Variants in KIAA1217 observed in about 807,000 individuals in gnomAD.
The protein encoded by KIAA1217 is KIAA1217, also known as sickle tail protein homolog.
KIAA1217 carries 88 observed loss-of-function variants against 163.9 expected under a neutral mutation model. That is an observed-to-expected ratio of 0.54 (90% CI 0.45 to 0.64). The LOEUF is 0.64. Among genes scored for constraint, KIAA1217 ranks in the 30% least tolerant of loss-of-function variants. The pLI is 0.00. For synonymous variants in KIAA1217, 903 were observed against 923.1 expected (o/e 0.98, Z 0.39); for missense variants, 2,372 against 2,475.0 (o/e 0.96, Z 0.88).
intron 3 of KIAA1217, among the ~76,000 whole-genome samples, chr10:24,415,357 C>T (rs2058155537): frequency 1.3e-5 from 2 of 151,900 alleles, no homozygotes; most frequent in Admixed American, 6.6e-5. Flanking sequence ...TCAGGTAATC[C>T]ACCCACCTTG....
At chr10:24,395,778 C>G (rs2055649765) in intron 3 of KIAA1217, among the ~76,000 whole-genome samples, 1 of 152,096 alleles carries the variant, frequency 6.6e-6, no homozygotes, top group African/African-American at 2.4e-5. Context: ...TCAAGCAAGC[C>G]TCCCACCTCA....
chr10:24,392,260 A>C (rs887883070), intron 3 of KIAA1217, among the ~76,000 whole-genome samples: 5 of 152,204 alleles, frequency 3.3e-5, no homozygotes, highest in African/African-American at 1.2e-4. Flanking sequence ...AAAAAGTTTT[A>C]AGGCATTATC....
intron 5 of KIAA1217, among the ~76,000 whole-genome samples, chr10:24,471,840 T>C (rs544853967): frequency 7.4e-5 from 11 of 149,050 alleles, no homozygotes; most frequent in Non-Finnish European, 1.6e-4. Context: ...TGAGCTGAGA[T>C]TGCGCCACTG....
intron 2 of KIAA1217, among the ~76,000 whole-genome samples, chr10:24,117,344 A>C (rs2063100414): frequency 6.6e-6 from 1 of 152,088 alleles, no homozygotes; most frequent in South Asian, 2.1e-4. Flanking sequence ...AGTGCTTTTA[A>C]AGGTGAGTTT....
intron 2 of KIAA1217, among the ~76,000 whole-genome samples, chr10:24,162,703 G>A (rs1006228551): frequency 5.3e-5 from 8 of 152,218 alleles, no homozygotes; most frequent in African/African-American, 1.9e-4. Flanking sequence ...TAGGAATCTG[G>A]GAGCAGCCTA....
chr10:24,192,470 C>A (rs189480660), intron 2 of KIAA1217, among the ~76,000 whole-genome samples: 199 of 152,248 alleles, frequency 1.3e-3, no homozygotes, highest in African/African-American at 4.6e-3. Flanking sequence ...ATGCTCTGGA[C>A]CCCATCAAAG....
chr10:24,091,553 T>C (rs1307395708), intron 2 of KIAA1217, among the ~76,000 whole-genome samples: 3 of 151,820 alleles, frequency 2.0e-5, no homozygotes, highest in Non-Finnish European at 4.4e-5. Flanking sequence ...GTAAGGGAAC[T>C]TTCATGAGCA....
At chr10:24,075,119 TACACACACACACAC>T (rs71397929) in intron 2 of KIAA1217, among the ~76,000 whole-genome samples, 57 of 131,562 alleles carry the variant, frequency 4.3e-4, no homozygotes, top group Admixed American at 1.7e-3. Context: ...TCCCCCTAAA[TACACACACACACAC>T]ACACACACAC....
intron 1 of KIAA1217, among the ~76,000 whole-genome samples, chr10:23,853,656 A>G (rs959143530): frequency 6.6e-6 from 1 of 151,916 alleles, no homozygotes; most frequent in Non-Finnish European, 1.5e-5. Flanking sequence ...GACTCTTTTT[A>G]GTTGGTAAGC....
chr10:24,278,854 C>CTTTTTTTTTTTTTTTTTTTTTTT (rs11288814), intron 2 of KIAA1217, among the ~76,000 whole-genome samples: 2 of 140,844 alleles, frequency 1.4e-5, no homozygotes, highest in Non-Finnish European at 1.5e-5. Context: ...ACTCAGATTA[C>CTTTTTTTTTTTTTTTTTTTTTTT]TTTTTTTTTT....
intron 2 of KIAA1217, among the ~76,000 whole-genome samples, chr10:24,344,687 C>T (rs2047506076): frequency 6.6e-6 from 1 of 152,178 alleles, no homozygotes; most frequent in African/African-American, 2.4e-5. Flanking sequence ...TGTGCTTAAA[C>T]ATGGTCAGGG....
chr10:23,853,335 A>G lies in KIAA1217; in HGVS notation c.-320-153890A>G, dbSNP rs576451405. Among the ~76,000 whole-genome samples, 943 of 152,116 alleles carry G rather than the reference A, an allele frequency of 6.2e-3. 3 individuals are homozygous for G. Among genetic ancestry groups the G allele is most frequent in the South Asian group, 1.0e-2 (48 of 4,816 alleles). ...TTACATTTATTGATTTGCATGTATT[A>G]AACCAGCCTTGCATCCCAGGGATGA... On this transcript the variant is annotated intron_variant, in intron 1 of 18. Transcript: ENST00000376462.
At chr10:24,494,379 T>C (rs2066511782) in intron 6 of KIAA1217, 121 bp from the exon 7 acceptor site, 1 of 731,398 alleles carries the variant, frequency 1.4e-6, no homozygotes, top group Non-Finnish European at 2.3e-6. Context: ...CTGAGCCAGG[T>C]TGGGTGAACT....
intron 1 of KIAA1217, among the ~76,000 whole-genome samples, chr10:23,820,561 T>A (rs1433040721): frequency 6.6e-6 from 1 of 152,166 alleles, no homozygotes; most frequent in African/African-American, 2.4e-5. Flanking sequence ...ATGGAGGAAG[T>A]GAGTTTTGAT....
At chr10:24,291,356 C>T (rs1042965229) in intron 2 of KIAA1217, among the ~76,000 whole-genome samples, 5 of 152,146 alleles carry the variant, frequency 3.3e-5, no homozygotes, top group East Asian at 3.9e-4. Context: ...TGGTAAAACC[C>T]TGTCTCCACT....
chr10:24,525,068 G>A (rs533041034), intron 13 of KIAA1217, among the ~76,000 whole-genome samples: 242 of 151,838 alleles, frequency 1.6e-3, no homozygotes, highest in Non-Finnish European at 2.3e-3. Flanking sequence ...CTCTGGTAGC[G>A]GTTGTGGCGG....
rs1279213576 is a variant in KIAA1217 at position 24,312,309 on chromosome 10, T to A, written c.355-68560T>A. ...AAAGTGGAACTTCATGTCATAGATT[T>A]AAAAAAAAAAAAAAAAAAGGCTGGG... On this transcript the variant is annotated intron_variant, in intron 2 of 20. Transcript: ENST00000376454. 9.9e-4 allele frequency among the ~76,000 whole-genome samples: 130 copies of A among 131,092 alleles called. No homozygotes were observed. The Middle Eastern group carries it at 0.012, about 12-fold the overall frequency. 86.0% of individuals were successfully genotyped at this position (131,092 alleles called of 152,430 possible).
chr10:23,747,668 T>C (rs1588710033), intron 1 of KIAA1217, among the ~76,000 whole-genome samples: 1 of 152,014 alleles, frequency 6.6e-6, no homozygotes, highest in East Asian at 1.9e-4. Context: ...AAAATGAAGA[T>C]TTAAAGAAGA....
At chr10:24,197,328 C>A (rs138422947) in intron 2 of KIAA1217, among the ~76,000 whole-genome samples, 1 of 152,272 alleles carries the variant, frequency 6.6e-6, no homozygotes, top group East Asian at 1.9e-4. Flanking sequence ...TGCCTGGAGC[C>A]ATTTCTGACT....
Sources: gnomAD v4.1 joint callset for allele counts (sites outside exome capture counted in the v4.1 genomes callset) on GRCh38, gnomAD v4.1.1 for gene constraint, MANE v1.5 for transcripts, NCBI Gene and HGNC (gene_info 2026-07-23, HGNC 2026-07-21) for gene names.